Variants in VPS13B observed in about 807,000 individuals in gnomAD.
VPS13B encodes the protein intermembrane lipid transfer protein VPS13B.
VPS13B carries 285 observed loss-of-function variants against 426.4 expected under a neutral mutation model. That is an observed-to-expected ratio of 0.67 (90% confidence interval 0.61 to 0.74). The LOEUF (loss-of-function observed/expected upper bound fraction) is 0.74. VPS13B is among the 30% of genes least tolerant of loss of function. VPS13B has a pLI of 0.00. For missense variants in VPS13B, 4,537 were observed against 4,782.6 expected (o/e 0.95, Z 1.51); for synonymous variants, 1,676 against 1,676.4 (o/e 1.00, Z 0.01).
At chr8:99,817,509 A>G in intron 44 of VPS13B, 31 bp from the exon 45 acceptor site, 1 of 1,612,828 alleles carries the variant, frequency 6.2e-7, no homozygotes, top group Non-Finnish European at 8.5e-7. Context: ...GTCTGAATTG[A>G]TGAAGCCTTA....
intron 25 of VPS13B, among the ~76,000 whole-genome samples, chr8:99,495,544 C>T (rs957643694): frequency 8.5e-5 from 13 of 152,122 alleles, no homozygotes; most frequent in African/African-American, 2.4e-5. Context: ...CTATGAAGCC[C>T]TTACATGGTG....
chr8:99,196,639 A>G (rs753745569), intron 17 of VPS13B, among the ~76,000 whole-genome samples: 7 of 151,918 alleles, frequency 4.6e-5, no homozygotes, highest in Admixed American at 3.3e-4. Context: ...GGGTTTCACC[A>G]TGTTGGTCAG....
chr8:99,612,663 A>T (rs901437756), intron 33 of VPS13B, among the ~76,000 whole-genome samples: 1 of 152,138 alleles, frequency 6.6e-6, no homozygotes, highest in African/African-American at 2.4e-5. Context: ...TCTCACAGAA[A>T]CCTGTGTAGT....
At chr8:99,052,242 C>T (rs1231419392) in intron 3 of VPS13B, among the ~76,000 whole-genome samples, 5 of 113,658 alleles carry the variant, frequency 4.4e-5, no homozygotes, top group African/African-American at 1.0e-4. Context: ...TAGCATGAAG[C>T]GTTGTTGAAT....
chr8:99,017,486 C>T (rs1841680516), intron 2 of VPS13B, among the ~76,000 whole-genome samples: 1 of 151,688 alleles, frequency 6.6e-6, no homozygotes, highest in African/African-American at 2.4e-5. Flanking sequence ...TTTCCATATA[C>T]ATTTTATTTT....
chr8:99,488,589 G>A lies in VPS13B; in HGVS notation c.3870+6787G>A, dbSNP rs1414006651. On this transcript the variant is annotated intron_variant, in intron 25 of 61. Coordinates refer to ENST00000357162, the MANE Select transcript of VPS13B (RefSeq NM_152564.5). The stretch of plus-strand genomic sequence containing the variant: ...TCTGTCAACTTACAGTTGTATTTTC[G>A]AAAAAGATTGTCAGACGGATACTTT... Among the ~76,000 whole-genome samples, 4 of 152,008 alleles carry A rather than the reference G, an allele frequency of 2.6e-5. No homozygotes were observed. The East Asian group carries it at 5.8e-4, about 22-fold the overall frequency.
chr8:99,736,892 T>G (rs1273242976), intron 39 of VPS13B, among the ~76,000 whole-genome samples: 2 of 152,130 alleles, frequency 1.3e-5, no homozygotes, highest in Non-Finnish European at 2.9e-5. Flanking sequence ...GTTACCATTC[T>G]TATTTTACAG....
intron 29 of VPS13B, among the ~76,000 whole-genome samples, chr8:99,512,408 T>C (rs1309531297): frequency 6.6e-6 from 1 of 152,202 alleles, no homozygotes; most frequent in Non-Finnish European, 1.5e-5. Flanking sequence ...GCTTTTTCCT[T>C]ATTATATAGG....
chr8:99,665,496 T>C (rs1830448816), intron 35 of VPS13B, among the ~76,000 whole-genome samples: 1 of 152,238 alleles, frequency 6.6e-6, no homozygotes, highest in African/African-American at 2.4e-5. Context: ...AATTTTTGTA[T>C]AAGGTGTAAG....
chr8:99,107,670 CT>C (rs896170399), intron 5 of VPS13B, among the ~76,000 whole-genome samples: 1 of 152,020 alleles, frequency 6.6e-6, no homozygotes, highest in African/African-American at 2.4e-5. Flanking sequence ...AATGTACATC[CT>C]TTTTTATGTT....
intron 19 of VPS13B, among the ~76,000 whole-genome samples, chr8:99,345,713 G>C (rs1307017200): frequency 2.0e-5 from 3 of 152,078 alleles, no homozygotes; most frequent in African/African-American, 4.8e-5. Flanking sequence ...TCAGTCACCA[G>C]TGAAATAATG....
At chr8:99,502,005 A>G in intron 26 of VPS13B, 147 bp downstream of exon 26, 2 of 1,074,398 alleles carry the variant, frequency 1.9e-6, no homozygotes, top group Non-Finnish European at 1.3e-6. Flanking sequence ...TTCCTTTCTG[A>G]CAGAGTTTTG....
intron 23 of VPS13B, among the ~76,000 whole-genome samples, chr8:99,465,512 T>C (rs1253147272): frequency 6.6e-6 from 1 of 152,018 alleles, no homozygotes; most frequent in Admixed American, 6.6e-5. Flanking sequence ...CCAATGTTAT[T>C]TGGGATTTTT....
chr8:99,059,662 A>C (rs971727624), intron 3 of VPS13B, among the ~76,000 whole-genome samples: 9 of 152,080 alleles, frequency 5.9e-5, no homozygotes, highest in Middle Eastern at 3.4e-3. Context: ...TTTTAATTTT[A>C]ACATGAAGTA....
At chr8:99,030,712 G>GT (rs1240328605) in intron 2 of VPS13B, among the ~76,000 whole-genome samples, 1 of 152,084 alleles carries the variant, frequency 6.6e-6, no homozygotes, top group Admixed American at 6.5e-5. Flanking sequence ...CATATTCATT[G>GT]TTTTTTTAAC....
intron 3 of VPS13B, among the ~76,000 whole-genome samples, chr8:99,049,756 A>T (rs1473335437): frequency 6.6e-6 from 1 of 151,926 alleles, no homozygotes; most frequent in Non-Finnish European, 1.5e-5. Context: ...TATTCCCCCT[A>T]ACATGTTTTC....
At chr8:99,160,930 G>C (rs182899763) in intron 15 of VPS13B, among the ~76,000 whole-genome samples, 1 of 152,076 alleles carries the variant, frequency 6.6e-6, no homozygotes, top group African/African-American at 2.4e-5. Flanking sequence ...TTTTTGCAAA[G>C]CCTTTTTTCT....
At chr8:99,233,100 C>G (rs1816435673) in intron 17 of VPS13B, 1 of 1,378,902 alleles carries the variant, frequency 7.3e-7, no homozygotes, top group Non-Finnish European at 1.0e-6. Flanking sequence ...ACTCCTGCTG[C>G]TTCACCTCTT....
At chr8:99,646,258 T>C (rs566214553) in intron 34 of VPS13B, among the ~76,000 whole-genome samples, 7 of 152,332 alleles carry the variant, frequency 4.6e-5, no homozygotes, top group African/African-American at 1.7e-4. Context: ...CTCACATTTG[T>C]AATCTCAGCA....
Sources: gnomAD v4.1 joint callset for allele counts (sites outside exome capture counted in the v4.1 genomes callset) on GRCh38, gnomAD v4.1.1 for gene constraint, MANE v1.5 for transcripts, NCBI Gene and HGNC (gene_info 2026-07-23, HGNC 2026-07-21) for gene names.